Variants in THEMIS2 observed in about 807,000 individuals in gnomAD.
The protein encoded by THEMIS2 is thymocyte selection associated family member 2, also known as protein THEMIS2.
In THEMIS2, 29 loss-of-function variants were observed where a neutral mutation model predicts 46.8. That is an observed-to-expected ratio of 0.62 (90% CI 0.46 to 0.84). The LOEUF is 0.84. Ranked by LOEUF, THEMIS2 falls within the 40% of genes least tolerant of loss-of-function variation. The pLI, the probability that THEMIS2 is intolerant of heterozygous loss-of-function variation, is 0.00. For missense variants in THEMIS2, 698 were observed against 834.7 expected, an observed-to-expected ratio of 0.84 and a Z score of 2.02; for synonymous variants, 335 against 349.1, an observed-to-expected ratio of 0.96 and a Z score of 0.45.
intron 1 of THEMIS2, among the ~76,000 whole-genome samples, chr1:27,873,483 G>T (rs934518499): frequency 6.6e-6 from 1 of 152,070 alleles, no homozygotes; most frequent in Non-Finnish European, 1.5e-5. Context: ...CTTAGAGAGC[G>T]AACTGAGGCT....
chr1:27,881,844 A>C, intron 3 of THEMIS2, 127 bp from the exon 4 acceptor site: 1 of 546,232 alleles, frequency 1.8e-6, no homozygotes, highest in Non-Finnish European at 2.9e-6. Flanking sequence ...CTCCATCTCA[A>C]AAAAAAAAAA....
Position 27,885,923 on chromosome 1 carries a change from G to A in THEMIS2, c.*1G>A. 1 of 1,613,946 alleles carries A rather than the reference G, an allele frequency of 6.2e-7. No individual in the cohort carries two copies. The highest frequency in any genetic ancestry group is 8.5e-7 in the Non-Finnish European group (1 of 1,179,910). ...TGAGCAATTTCAGAAAACCATCTAA[G>A]TGCTGGAGGAACCACGCTTCCTAAC... On this transcript the variant is annotated 3_prime_UTR_variant, in exon 6 of 6. Transcript: ENST00000373921.
intron 5 of THEMIS2, among the ~76,000 whole-genome samples, 169 bp from the exon 6 acceptor site, chr1:27,885,698 T>C (rs188666057): frequency 6.6e-6 from 1 of 151,996 alleles, no homozygotes; most frequent in East Asian, 1.9e-4. Context: ...TACAGGAAAA[T>C]GAAAGGGTTG....
intron 3 of THEMIS2, among the ~76,000 whole-genome samples, chr1:27,881,171 C>T (rs984589040): frequency 2.6e-5 from 4 of 151,680 alleles, no homozygotes; most frequent in African/African-American, 9.7e-5. Context: ...AAGGTTGGGG[C>T]CAAGCACAGT....
intron 4 of THEMIS2, chr1:27,884,472 G>A (rs550078896): frequency 1.3e-5 from 2 of 152,432 alleles, no homozygotes; most frequent in African/African-American, 2.4e-5. Flanking sequence ...TGGCGTGAGC[G>A]TGGGAAGTCA....
chr1:27,877,346 G>A (rs1204368239), intron 2 of THEMIS2, among the ~76,000 whole-genome samples: 1 of 152,048 alleles, frequency 6.6e-6, no homozygotes, highest in African/African-American at 2.4e-5. Context: ...ACTTTTTGGA[G>A]ATGGAGTCTC....
chr1:27,878,055 C>T (rs2089612071), intron 2 of THEMIS2, among the ~76,000 whole-genome samples: 1 of 143,158 alleles, frequency 7.0e-6, no homozygotes, highest in Non-Finnish European at 1.5e-5. Context: ...GAGGCTGAGG[C>T]ATGAGAATCA....
rs371315516 is a variant in THEMIS2, at chr1:27,882,416, G to A, written c.1092G>A (p.Glu364=). 1.1e-4 allele frequency: 177 copies of A among 1,611,654 alleles called. No individual in the cohort carries two copies. Among genetic ancestry groups the A allele is most frequent in the Non-Finnish European group, 1.5e-4 (175 of 1,178,412 alleles). The change falls in exon 4 of 6, where the codon GAG becomes GAA. Residue 364 remains glutamate (E), a synonymous_variant. Transcript: ENST00000373921. This position sits in a 1 kb window ranked among gnomAD's most constrained non-coding sequence, Gnocchi z 7.6. The part of the protein sequence containing the change: ...DCEGEREENP[E]FTSLAVGDRL... The stretch of plus-strand genomic sequence containing the variant: ...AGGGCGAGAGGGAGGAGAATCCCGA[G>A]TTCACGTCCCTGGCTGTGGGTGACC...
intron 1 of THEMIS2, among the ~76,000 whole-genome samples, chr1:27,873,900 C>T (rs886482532): frequency 1.3e-5 from 2 of 151,968 alleles, no homozygotes; most frequent in African/African-American, 4.8e-5. Flanking sequence ...TGTGGGTGTG[C>T]GGATGGGGTG....
chr1:27,877,274 G>A (rs2089597666), intron 2 of THEMIS2, among the ~76,000 whole-genome samples: 1 of 152,166 alleles, frequency 6.6e-6, no homozygotes, highest in South Asian at 2.1e-4. Flanking sequence ...GGAGTAGCAT[G>A]TGCACATTTG....
chr1:27,885,485 TTG>T (rs1377684131), intron 5 of THEMIS2, 34 bp downstream of exon 5: 1 of 1,604,214 alleles, frequency 6.2e-7, no homozygotes, highest in Non-Finnish European at 8.5e-7. Flanking sequence ...ACCCTTGTCC[TTG>T]TGTCTCCCCT....
intron 2 of THEMIS2, among the ~76,000 whole-genome samples, chr1:27,878,262 A>C (rs1204869745): frequency 6.6e-6 from 1 of 151,446 alleles, no homozygotes; most frequent in East Asian, 2.0e-4. Flanking sequence ...GGGGAGCCGC[A>C]GGAGCCACAC....
Position 27,880,047 on chromosome 1 carries a change from C to T in THEMIS2, c.639C>T (p.Ile213=). 6.3e-7 allele frequency: 1 copy of T among 1,595,668 alleles called. No individual in the cohort carries two copies. The highest frequency in any genetic ancestry group is 8.6e-7 in the Non-Finnish European group (1 of 1,165,876). ...ILRPQYEIQA[I]MHMRRTIVKI... ...GGCCCCAGTATGAGATCCAAGCCAT[C>T]ATGCACAGTGAGTTGCCTGGGCAGA... The change falls in exon 3 of 6, where the codon ATC becomes ATT. Residue 213 remains isoleucine, a synonymous_variant. Transcript: ENST00000373921.
rs1491396083 is a variant in THEMIS2 at position 27,885,290 on chromosome 1, CAA to C, written c.1720-3_1720-2del. The C allele has an allele frequency of 1.2e-6, 2 of 1,612,282 alleles. No individual in the cohort carries two copies. The highest frequency in any genetic ancestry group is 1.1e-5 in the South Asian group (1 of 90,828). ...CCCTGATGATTTCTGCTTTTTCTCC[CAA>C]AGTCTTCTCAAGTCTTAGGATTGCA... On this transcript the variant is annotated splice_polypyrimidine_tract_variant and splice_region_variant and intron_variant, in intron 4 of 5. Transcript: ENST00000373921.
chr1:27,878,700 A>G (rs2089629313), intron 2 of THEMIS2, among the ~76,000 whole-genome samples: 1 of 152,082 alleles, frequency 6.6e-6, no homozygotes, highest in Non-Finnish European at 1.5e-5. Flanking sequence ...TCTCCCCAAA[A>G]CAAGGACATT....
chr1:27,875,762 G>C (rs921445068), intron 1 of THEMIS2, among the ~76,000 whole-genome samples: 2 of 151,912 alleles, frequency 1.3e-5, no homozygotes. Flanking sequence ...GTGAAGTGGC[G>C]TGATCTCGGC....
In THEMIS2 at chr1:27,882,786, G is replaced by A. The variant is rs556019021; in HGVS notation, c.1462G>A (p.Val488Met). ...EEKITEPFLV[V>M]SLDSEPGMCF... ...GAAGATCACAGAGCCATTCTTGGTG[G>A]TGAGCCTAGACTCTGAGCCTGGGAT... The change falls in exon 4 of 6, where the codon GTG becomes ATG. Residue 488 changes from valine (V) to methionine (M), a missense_variant. Coordinates refer to ENST00000373921, the MANE Select transcript of THEMIS2 (RefSeq NM_001105556.3). This position sits in a 1 kb window ranked among gnomAD's most constrained non-coding sequence, Gnocchi z 7.6. 9.3e-6 allele frequency: 15 copies of A among 1,613,986 alleles called. No homozygotes were observed. The East Asian group carries it at 3.1e-4, about 34-fold the overall frequency.
At chr1:27,885,007 C>A in intron 4 of THEMIS2, 1 of 268,174 alleles carries the variant, frequency 3.7e-6, no homozygotes, top group Non-Finnish European at 7.2e-6. Context: ...TCCCCTTCAG[C>A]AAGAGAATTA....
rs74901598 is a variant in THEMIS2 at position 27,880,088 on chromosome 1, G to C, written c.646+34G>C. The C allele has an allele frequency of 1.1e-4, 165 of 1,547,636 alleles. No homozygotes were observed. The African/African-American group carries it at 1.7e-3, about 16-fold the overall frequency. On this transcript the variant is annotated intron_variant, in intron 3 of 5. Transcript: ENST00000373921. ...CCTGGGCAGATGGATGCGCGCTGCT[G>C]GGGGAGAGAAAGAGGGTTGCCCCTG...
Sources: allele counts gnomAD v4.1 joint callset (sites outside exome capture counted in the v4.1 genomes callset), GRCh38; gene constraint gnomAD v4.1.1; non-coding constraint Gnocchi (gnomAD v3.1); transcripts MANE v1.5; gene names NCBI Gene and HGNC (gene_info 2026-07-23, HGNC 2026-07-21).